Variants in SLC26A11 observed in about 807,000 individuals in gnomAD.
The protein encoded by SLC26A11 is solute carrier family 26 member 11, also known as sodium-independent sulfate anion transporter.
A neutral mutation model predicts 62.2 loss-of-function variants in SLC26A11; 58 were observed. The ratio of observed to expected loss-of-function variants is 0.93; its 90% CI spans 0.76 to 1.16. The LOEUF (loss-of-function observed/expected upper bound fraction) is 1.16. Among genes scored for constraint, SLC26A11 ranks in the 50% most tolerant of loss-of-function variants. The probability of loss-of-function intolerance (pLI) is 0.00; values close to 1 mark genes in which losing one functional copy is unlikely to be tolerated. For synonymous variants in SLC26A11, 411 were observed against 368.9 expected, an observed-to-expected ratio of 1.11 and a Z score of -1.31; for missense variants, 790 against 794.3, an observed-to-expected ratio of 0.99 and a Z score of 0.06.
intron 10 of SLC26A11, among the ~76,000 whole-genome samples, chr17:80,244,713 A>G (rs992757883): frequency 6.6e-6 from 1 of 152,080 alleles, no homozygotes; most frequent in African/African-American, 2.4e-5. Context: ...GTGGTGGCAC[A>G]TGCCTGTAGT....
chr17:80,234,105 A>G (rs2042630736), intron 7 of SLC26A11, among the ~76,000 whole-genome samples: 1 of 152,140 alleles, frequency 6.6e-6, no homozygotes, highest in South Asian at 2.1e-4. Flanking sequence ...CCTGGGTTCA[A>G]GTGATTCTCC....
intron 16 of SLC26A11, among the ~76,000 whole-genome samples, chr17:80,249,820 G>A (rs1014251973): frequency 1.2e-4 from 18 of 152,120 alleles, no homozygotes; most frequent in Non-Finnish European, 2.4e-4. Flanking sequence ...TGGGAGAATC[G>A]CTTGAACCTG....
At chr17:80,244,382 G>T (rs761447048) in intron 10 of SLC26A11, among the ~76,000 whole-genome samples, 2 of 152,354 alleles carry the variant, frequency 1.3e-5, no homozygotes, top group East Asian at 1.9e-4. Context: ...AAGGAACTGG[G>T]TGGAGAACGG....
chr17:80,237,575 T>G lies in SLC26A11; in HGVS notation c.966T>G (p.Ile322Met), dbSNP rs768103444. ...CCCTGATGGGCCTCCTGGAGAGCAT[T>G]GCGGTGGCCAAAGCCTTCGGTAAGA... ...VVPLMGLLES[I>M]AVAKAFASQN... Residue 322 changes from isoleucine to methionine, a missense_variant, in exon 9 of 18, where the codon ATT (isoleucine) becomes ATG (methionine). Physicochemically the swap from Ile to Met is conservative, Grantham distance 10. Transcript: ENST00000361193. 1 of 1,612,004 alleles carries G rather than the reference T, an allele frequency of 6.2e-7. No individual in the cohort carries two copies. The highest frequency in any genetic ancestry group is 8.5e-7 in the Non-Finnish European group (1 of 1,179,294).
At chr17:80,225,803 A>G (rs564040314) in intron 5 of SLC26A11, 34 bp from the exon 6 acceptor site, 2 of 1,599,766 alleles carry the variant, frequency 1.3e-6, no homozygotes, top group Admixed American at 1.7e-5. Context: ...GTTTGGGAGC[A>G]TAGCCTCTGA....
intron 6 of SLC26A11, among the ~76,000 whole-genome samples, chr17:80,227,022 G>A (rs973055978): frequency 2.0e-5 from 3 of 152,140 alleles, no homozygotes; most frequent in Non-Finnish European, 2.9e-5. Context: ...CAGTGATTAC[G>A]GAGCCTGACC....
At chr17:80,240,727 C>T (rs1005662845) in intron 9 of SLC26A11, among the ~76,000 whole-genome samples, 6 of 151,948 alleles carry the variant, frequency 3.9e-5, no homozygotes, top group South Asian at 2.1e-4. Flanking sequence ...CTCTTGAACC[C>T]GGGAGGCAGA....
At chr17:80,236,757 C>T (rs1306018866) in intron 7 of SLC26A11, 171 bp from the exon 8 acceptor site, 2 of 701,304 alleles carry the variant, frequency 2.9e-6, no homozygotes, top group East Asian at 2.5e-5. Flanking sequence ...GCTTATGCTG[C>T]CACATAGCAT....
Position 80,222,798 on chromosome 17 carries a change from G to C in SLC26A11, c.378G>C (p.Leu126=). 3 of 1,614,190 alleles carry C rather than the reference G, an allele frequency of 1.9e-6. No individual in the cohort carries two copies. Among genetic ancestry groups the C allele is most frequent in the Non-Finnish European group, 2.5e-6 (3 of 1,180,040 alleles). ...ATGAGCCCGCCTACGCTGTGCTGCT[G>C]GCCTTCCTGTCCGGCTGCATCCAGC... ...TFHEPAYAVL[L]AFLSGCIQLA... Residue 126 remains leucine, a synonymous_variant, in exon 4 of 18, where the codon CTG becomes CTC. Coordinates refer to ENST00000361193, the MANE Select transcript of SLC26A11 (RefSeq NM_001166347.2). The surrounding 1 kb of genome is among the most constrained non-coding windows in gnomAD (Gnocchi z 4.7).
rs376022974 is a variant in SLC26A11, at chr17:80,228,290, G to A, written c.736+330G>A. ...TGGGATTACAGGCGCATGCCACCAC[G>A]CTCGACTGATTTTTGTATTTATAGT... is the stretch of plus-strand genomic sequence containing the variant. On this transcript the variant is annotated intron_variant, in intron 7 of 17. Coordinates refer to ENST00000361193, the MANE Select transcript of SLC26A11 (RefSeq NM_001166347.2). The surrounding 1 kb of genome is among the most constrained non-coding windows in gnomAD (Gnocchi z 4.1). Among the ~76,000 whole-genome samples the A allele has an allele frequency of 1.3e-5, 2 of 151,972 alleles. No homozygotes were observed. Among genetic ancestry groups the A allele is most frequent in the African/African-American group, 4.8e-5 (2 of 41,364 alleles).
At chr17:80,229,283 A>G (rs1429987921) in intron 7 of SLC26A11, among the ~76,000 whole-genome samples, 1 of 152,022 alleles carries the variant, frequency 6.6e-6, no homozygotes, top group East Asian at 1.9e-4. Flanking sequence ...GGTGGGGTGC[A>G]GAGGATGCTG....
Position 80,248,144 on chromosome 17 carries a change from C to T in SLC26A11, c.1309C>T (p.Pro437Ser). 6.2e-7 allele frequency: 1 copy of T among 1,604,100 alleles called. No homozygotes were observed. The change falls in exon 14 of 18, where the codon CCC becomes TCC. Residue 437 changes from proline to serine, a missense_variant. By Grantham distance (74) the Pro-to-Ser change is moderately conservative. Coordinates refer to ENST00000361193, the MANE Select transcript of SLC26A11 (RefSeq NM_001166347.2). ...LWRVKRLDLL[P>S]LCVTFLLCFW... ...CCTTCTCCTAGGGCTGGACCTGCTG[C>T]CCCTGTGCGTGACCTTCCTGCTGTG...
In SLC26A11 at chr17:80,225,920, C is replaced by T. The variant is rs756124916; in HGVS notation, c.593+4C>T. On this transcript the variant is annotated splice_donor_region_variant and intron_variant, in intron 6 of 17. Transcript: ENST00000361193. ...TCCTCAGGATTGCAGAGACCAGGTA[C>T]CCCGGGCTTTGTTCCTCCCTCCTAT... is the stretch of plus-strand genomic sequence containing the variant. 1.5e-5 allele frequency: 25 copies of T among 1,613,524 alleles called. 1 individual carries two copies. The highest frequency in any genetic ancestry group is 1.1e-4 in the South Asian group (10 of 91,080).
chr17:80,222,538 T>A lies in SLC26A11; in HGVS notation c.235-117T>A. On this transcript the variant is annotated intron_variant, in intron 3 of 17. Coordinates refer to ENST00000361193, the MANE Select transcript of SLC26A11 (RefSeq NM_001166347.2). This position sits in a 1 kb window ranked among gnomAD's most constrained non-coding sequence, Gnocchi z 4.7. The stretch of plus-strand genomic sequence containing the variant: ...CACCCACAGGGCAGGGCGGTGCACC[T>A]TTAACCTGGGCCTGGACACAGCTGA... 8.9e-7 allele frequency: 1 copy of A among 1,126,526 alleles called. No homozygotes were observed. Among genetic ancestry groups the A allele is most frequent in the Non-Finnish European group, 1.3e-6 (1 of 776,436 alleles). The allele number at this position is 1,126,526 out of a possible 1,614,324, so 69.8% of individuals were successfully genotyped here.
chr17:80,249,144 GTC>G lies in SLC26A11; in HGVS notation c.1523-7_1523-6del, dbSNP rs1277353143. ...GGGTGGCGTGACCTGGCTCGGGCCT[GTC>G]TCCCCAGTGTCCCCGCCACGCTGCC... On this transcript the variant is annotated splice_polypyrimidine_tract_variant and splice_region_variant and intron_variant, in intron 15 of 17. Transcript: ENST00000361193. 1 of 1,602,964 alleles carries G rather than the reference GTC, an allele frequency of 6.2e-7. No homozygotes were observed. Among genetic ancestry groups the G allele is most frequent in the Non-Finnish European group, 8.5e-7 (1 of 1,178,954 alleles).
In SLC26A11 at chr17:80,246,390, C is replaced by A. The variant is rs1402944910; in HGVS notation, c.1154-119C>A. The A allele has an allele frequency of 1.4e-5, 21 of 1,452,444 alleles. No homozygotes were observed. The highest frequency in any genetic ancestry group is 1.9e-5 in the Non-Finnish European group (21 of 1,077,718). 90.0% of individuals were successfully genotyped at this position (1,452,444 alleles called of 1,614,324 possible). A position where few individuals can be genotyped will look rare whatever the true frequency, so the allele number is the denominator to read the frequency against. ...ACTGAGCAGGGGCTGGGGGCCTTGG[C>A]AGTCGTCGCCCTACCCCCACCCCTG... On this transcript the variant is annotated intron_variant, in intron 12 of 17. Transcript: ENST00000361193. This position sits in a 1 kb window ranked among gnomAD's most constrained non-coding sequence, Gnocchi z 4.4.
At chr17:80,232,856 T>C (rs1567952890) in intron 7 of SLC26A11, among the ~76,000 whole-genome samples, 2 of 152,178 alleles carry the variant, frequency 1.3e-5, no homozygotes, top group East Asian at 3.8e-4. Flanking sequence ...TATATTTAGT[T>C]TTTGTTTGTT....
chr17:80,245,367 C>T lies in SLC26A11; in HGVS notation c.1097+111C>T, dbSNP rs983813854. On this transcript the variant is annotated intron_variant, in intron 11 of 17. Transcript: ENST00000361193. ...CCGGCGCCCCGTCCTCCACTGTGAA[C>T]GCTCCGTGGAGAGGCAGGGCTGGGG... The T allele has an allele frequency of 5.0e-5, 53 of 1,057,596 alleles. No homozygotes were observed. The Admixed American group carries it at 8.1e-4, about 16-fold the overall frequency. 65.5% of individuals were successfully genotyped at this position (1,057,596 alleles called of 1,614,324 possible).
chr17:80,245,793 A>G (rs1421944233), intron 11 of SLC26A11, among the ~76,000 whole-genome samples: 1 of 152,156 alleles, frequency 6.6e-6, no homozygotes, highest in African/African-American at 2.4e-5. Context: ...AACAGGATGG[A>G]GGTGACCTGT....
Sources: allele counts gnomAD v4.1 joint callset (sites outside exome capture counted in the v4.1 genomes callset), GRCh38; gene constraint gnomAD v4.1.1; non-coding constraint Gnocchi (gnomAD v3.1); transcripts MANE v1.5; gene names NCBI Gene and HGNC (gene_info 2026-07-23, HGNC 2026-07-21).